Variants in TERF1 observed in about 807,000 individuals in gnomAD.
The protein encoded by TERF1 is telomeric repeat-binding factor 1.
In TERF1, 20 loss-of-function variants were observed where a neutral mutation model predicts 55.1. That is an observed-to-expected ratio of 0.36 (90% CI 0.26 to 0.53). The LOEUF (loss-of-function observed/expected upper bound fraction) is 0.53, where lower values mean the gene tolerates loss of function less well. TERF1 is among the 20% of genes least tolerant of loss of function. The pLI is 0.91. For synonymous variants in TERF1, 168 were observed against 181.2 expected, an observed-to-expected ratio of 0.93 and a Z score of 0.59; for missense variants, 439 against 535.7, an observed-to-expected ratio of 0.82 and a Z score of 1.78.
At chr8:73,034,167 T>C (rs1409310150) in intron 8 of TERF1, among the ~76,000 whole-genome samples, 1 of 152,126 alleles carries the variant, frequency 6.6e-6, no homozygotes, top group Non-Finnish European at 1.5e-5. Flanking sequence ...GGTCTTGCAC[T>C]GTCACCCTGG....
At chr8:73,014,490 C>T (rs140952570) in intron 2 of TERF1, among the ~76,000 whole-genome samples, 6 of 152,228 alleles carry the variant, frequency 3.9e-5, no homozygotes, top group South Asian at 2.1e-4. Context: ...CCAGCGCTTA[C>T]GTAAGAAGTA....
At chr8:73,024,620 A>G (rs1481708688) in intron 4 of TERF1, among the ~76,000 whole-genome samples, 2 of 151,896 alleles carry the variant, frequency 1.3e-5, no homozygotes, top group Non-Finnish European at 2.9e-5. Flanking sequence ...TCTAAAATGT[A>G]AAATATTTTT....
intron 9 of TERF1, among the ~76,000 whole-genome samples, chr8:73,045,752 G>C (rs1447229279): frequency 6.6e-6 from 1 of 152,172 alleles, no homozygotes; most frequent in Admixed American, 6.5e-5. Flanking sequence ...GGGCAGCTGA[G>C]CTTACATAAA....
chr8:73,043,467 A>G (rs1357112263), intron 9 of TERF1: 1 of 152,188 alleles, frequency 6.6e-6, no homozygotes, highest in Admixed American at 6.6e-5. Flanking sequence ...TTTTCTATAA[A>G]GAGCAAGATT....
intron 2 of TERF1, among the ~76,000 whole-genome samples, chr8:73,014,551 T>C (rs1808415462): frequency 6.6e-6 from 1 of 152,224 alleles, no homozygotes; most frequent in Non-Finnish European, 1.5e-5. Flanking sequence ...CCATTTTAGA[T>C]TGTAATGGGC....
At chr8:73,023,242 T>C (rs930399191) in intron 4 of TERF1, among the ~76,000 whole-genome samples, 2 of 152,254 alleles carry the variant, frequency 1.3e-5, no homozygotes, top group African/African-American at 2.4e-5. Context: ...AAAGTAGTTA[T>C]GTCAGTTCCT....
At chr8:73,023,929 C>G (rs904521473) in intron 4 of TERF1, among the ~76,000 whole-genome samples, 2 of 152,190 alleles carry the variant, frequency 1.3e-5, no homozygotes, top group African/African-American at 4.8e-5. Context: ...AGCAATTCCA[C>G]TTCTAGACAA....
intron 8 of TERF1, among the ~76,000 whole-genome samples, chr8:73,037,700 A>ATATAT (rs1563471800): frequency 1.3e-5 from 1 of 79,488 alleles, no homozygotes; most frequent in African/African-American, 6.1e-5. Flanking sequence ...TATATAGTAT[A>ATATAT]ATATTATATT....
At chr8:73,030,736 A>T (rs1239081362) in intron 7 of TERF1, 2 of 188,840 alleles carry the variant, frequency 1.1e-5, no homozygotes, top group Non-Finnish European at 2.2e-5. Context: ...TACATTTCTA[A>T]TGAATGCCCC....
In TERF1 at chr8:73,022,322, C is replaced by T. The variant is rs374424459; in HGVS notation, c.624+20C>T. 9.0e-5 allele frequency: 132 copies of T among 1,467,460 alleles called. No homozygotes were observed. In the African/African-American group the frequency reaches 1.8e-3, roughly 20 times the overall value. 90.9% of individuals were successfully genotyped at this position (1,467,460 alleles called of 1,614,324 possible). Reference sequence around the variant, plus strand: ...CATATGGTAATTATTTAAATTAAAACCATAGAATTTTAGAAGTGTTTATGT... The same window carrying T: ...CATATGGTAATTATTTAAATTAAAATCATAGAATTTTAGAAGTGTTTATGT... On this transcript the variant is annotated intron_variant, in intron 4 of 9. Coordinates refer to ENST00000276603, the MANE Select transcript of TERF1 (RefSeq NM_017489.3).
At chr8:73,009,950 C>G (rs1364087677) in intron 1 of TERF1, 1 of 152,000 alleles carries the variant, frequency 6.6e-6, no homozygotes, top group Non-Finnish European at 1.5e-5. Context: ...CAGGCTCGAC[C>G]TCCTCAGGCT....
rs115499855 is a variant in TERF1 at position 73,030,587 on chromosome 8, G to C, written c.947+192G>C. On this transcript the variant is annotated intron_variant, in intron 7 of 9. Transcript: ENST00000276603. ...ACTGTAGAGACCTGCTCTGAGACTG[G>C]GTTGTTTCACATTGTTTCTACAAAG... is the stretch of plus-strand genomic sequence containing the variant. 4,704 of 407,044 alleles carry C rather than the reference G, an allele frequency of 0.012. 212 individuals carry two copies. Among genetic ancestry groups the C allele is most frequent in the African/African-American group, 0.087 (4,221 of 48,406 alleles). The allele number at this position is 407,044 out of a possible 1,614,324, so 25.2% of individuals were successfully genotyped here.
intron 7 of TERF1, chr8:73,031,541 GCA>G (rs1809284991): frequency 6.6e-6 from 1 of 152,208 alleles, no homozygotes; most frequent in Admixed American, 6.5e-5. Flanking sequence ...TACCAATTTG[GCA>G]GAGTTTTCAA....
At chr8:73,038,668 T>G (rs1809705445) in intron 8 of TERF1, 1 of 611,090 alleles carries the variant, frequency 1.6e-6, no homozygotes, top group Non-Finnish European at 2.0e-6. Context: ...CCTAAACAAT[T>G]ATCATTTTTC....
intron 7 of TERF1, chr8:73,030,970 T>G (rs1285846361): frequency 6.6e-6 from 1 of 152,232 alleles, no homozygotes; most frequent in East Asian, 1.9e-4. Flanking sequence ...ATGAATTGTC[T>G]GTGAGAACAC....
chr8:73,037,184 AATAAT>A (rs913114964), intron 8 of TERF1, among the ~76,000 whole-genome samples: 8 of 25,382 alleles, frequency 3.2e-4, no homozygotes, highest in African/African-American at 7.1e-4. Context: ...TATATAATAT[AATAAT>A]ATATATTATA....
intron 9 of TERF1, among the ~76,000 whole-genome samples, chr8:73,041,317 T>C (rs1461788419): frequency 6.6e-6 from 1 of 152,162 alleles, no homozygotes. Context: ...TTGTCTCTCT[T>C]GTTGTCTCTG....
intron 2 of TERF1, among the ~76,000 whole-genome samples, chr8:73,020,148 C>G (rs1160804850): frequency 1.3e-5 from 2 of 152,168 alleles, no homozygotes; most frequent in Non-Finnish European, 2.9e-5. Context: ...CATGAAGGCT[C>G]TTGAATGTCC....
intron 8 of TERF1, among the ~76,000 whole-genome samples, chr8:73,037,703 ATT>A (rs1809617064): frequency 1.2e-4 from 2 of 16,614 alleles, no homozygotes; most frequent in Non-Finnish European, 1.9e-4. Context: ...ATAGTATAAT[ATT>A]ATATTATATA....
Sources: allele counts gnomAD v4.1 joint callset (sites outside exome capture counted in the v4.1 genomes callset), GRCh38; gene constraint gnomAD v4.1.1; transcripts MANE v1.5; gene names NCBI Gene and HGNC (gene_info 2026-07-23, HGNC 2026-07-21).